The following ROPN1L variants were observed in gnomAD, a reference collection of about 807,000 sequenced individuals.
ROPN1L encodes ropporin-1-like protein.
Under a neutral mutation model 22.7 loss-of-function variants are expected in ROPN1L, and 23 were observed. The observed-to-expected ratio is 1.01, with a 90% CI of 0.73 to 1.43. The LOEUF (loss-of-function observed/expected upper bound fraction) is 1.43, where lower values mean the gene tolerates loss of function less well. ROPN1L is among the 40% of genes most tolerant of loss of function. The probability of loss-of-function intolerance (pLI) is 0.00; values close to 1 mark genes in which losing one functional copy is unlikely to be tolerated. For synonymous variants in ROPN1L, 116 were observed against 117.8 expected, an observed-to-expected ratio of 0.98 and a Z score of 0.10; for missense variants, 271 against 291.5, an observed-to-expected ratio of 0.93 and a Z score of 0.51.
At chr5:10,448,486 T>C in intron 2 of ROPN1L, 103 bp downstream of exon 2, 1 of 1,353,852 alleles carries the variant, frequency 7.4e-7, no homozygotes, top group South Asian at 1.4e-5. Context: ...GCAATGTATT[T>C]CAAACCTCCT....
At chr5:10,466,903 G>A (rs1019042914), downstream of ROPN1L, among the ~76,000 whole-genome samples, 3 of 152,162 alleles carry the variant, frequency 2.0e-5, no homozygotes, top group Non-Finnish European at 4.4e-5. Context: ...GCCTCTCTCC[G>A]TGGCTTGTGG....
chr5:10,442,426 T>A, intron 1 of ROPN1L, 128 bp downstream of exon 1: 1 of 1,183,490 alleles, frequency 8.4e-7, no homozygotes, highest in Non-Finnish European at 1.2e-6. Context: ...GGCAAAACTT[T>A]CCCCTTAGCA....
At chr5:10,473,229 G>T (rs1009555139), downstream of ROPN1L, among the ~76,000 whole-genome samples, 1 of 152,148 alleles carries the variant, frequency 6.6e-6, no homozygotes, top group Admixed American at 6.5e-5. Context: ...TACAAATGTG[G>T]CCTTGTTTGG....
At chr5:10,454,692 G>A (rs1441983473) in intron 3 of ROPN1L, among the ~76,000 whole-genome samples, 1 of 152,214 alleles carries the variant, frequency 6.6e-6, no homozygotes. Flanking sequence ...AACCACAGAT[G>A]CACACGTGTC....
chr5:10,442,392 C>A, intron 1 of ROPN1L, 94 bp downstream of exon 1: 1 of 1,499,694 alleles, frequency 6.7e-7, no homozygotes, highest in Non-Finnish European at 9.0e-7. Flanking sequence ...CCTTACGCGG[C>A]ACTCAGCGTC....
At chr5:10,456,547 G>A (rs182358133) in intron 3 of ROPN1L, among the ~76,000 whole-genome samples, 9 of 152,194 alleles carry the variant, frequency 5.9e-5, no homozygotes, top group East Asian at 3.9e-4. Flanking sequence ...AGCACATATC[G>A]CACATGGGAG....
chr5:10,461,996 C>G (rs1306823018), intron 4 of ROPN1L, among the ~76,000 whole-genome samples: 1 of 152,160 alleles, frequency 6.6e-6, no homozygotes, highest in East Asian at 1.9e-4. Flanking sequence ...GGGAAACTTT[C>G]TAAGCCCTGT....
chr5:10,454,532 AG>A (rs1741355804), intron 3 of ROPN1L, among the ~76,000 whole-genome samples: 1 of 151,620 alleles, frequency 6.6e-6, no homozygotes, highest in Non-Finnish European at 1.5e-5. Context: ...TTTTTTTTTA[AG>A]ATAAGAAAAT....
At chr5:10,451,117 A>G (rs1741239109) in intron 3 of ROPN1L, among the ~76,000 whole-genome samples, 1 of 152,252 alleles carries the variant, frequency 6.6e-6, no homozygotes, top group Non-Finnish European at 1.5e-5. Flanking sequence ...TTTACTACAT[A>G]GATGAACAAT....
chr5:10,443,623 C>T (rs1313630241), intron 1 of ROPN1L, among the ~76,000 whole-genome samples: 1 of 148,372 alleles, frequency 6.7e-6, no homozygotes, highest in Non-Finnish European at 1.5e-5. Context: ...AGCGAGACTC[C>T]GTCTCAAAAA....
intron 3 of ROPN1L, among the ~76,000 whole-genome samples, chr5:10,455,303 C>T (rs764300766): frequency 5.9e-5 from 9 of 152,218 alleles, no homozygotes; most frequent in Non-Finnish European, 8.8e-5. Context: ...AAAGCCCATT[C>T]GGAAGTGACC....
rs1053256388 is a variant in ROPN1L, at chr5:10,442,007, A to G, written c.-161A>G. On this transcript the variant is annotated 5_prime_UTR_variant, in exon 1 of 5. Transcript: ENST00000274134. ...CCCGAAGCCCGCGGAGGAGCGGGTAAGAGCCCCGCGAATCCGGCCCCAACC... is the reference window on the plus strand; with the variant it reads ...CCCGAAGCCCGCGGAGGAGCGGGTAGGAGCCCCGCGAATCCGGCCCCAACC... 5 of 934,286 alleles carry G rather than the reference A, an allele frequency of 5.4e-6. No individual in the cohort carries two copies. In the African/African-American group the frequency reaches 8.3e-5, roughly 16 times the overall value. 57.9% of individuals were successfully genotyped at this position (934,286 alleles called of 1,614,324 possible). A position where few individuals can be genotyped will look rare whatever the true frequency, so the allele number is the denominator to read the frequency against.
At chr5:10,448,131 G>A (rs1741132057) in intron 1 of ROPN1L, 129 bp from the exon 2 acceptor site, 1 of 1,028,040 alleles carries the variant, frequency 9.7e-7, no homozygotes, top group Admixed American at 2.0e-5. Context: ...CAGGACATAA[G>A]CCCGGGATGT....
chr5:10,457,249 G>A (rs1230250143), intron 3 of ROPN1L, among the ~76,000 whole-genome samples: 3 of 152,210 alleles, frequency 2.0e-5, no homozygotes, highest in Non-Finnish European at 4.4e-5. Context: ...ATCAGGTGCA[G>A]CCGCCACCAG....
intron 4 of ROPN1L, 144 bp from the exon 5 acceptor site, chr5:10,464,704 A>G: frequency 1.9e-6 from 1 of 530,376 alleles, no homozygotes; most frequent in Non-Finnish European, 3.4e-6. Flanking sequence ...AGAATGCTTT[A>G]TTTTTGGAAG....
chr5:10,464,175 C>G (rs374150467), intron 4 of ROPN1L, among the ~76,000 whole-genome samples: 7 of 152,206 alleles, frequency 4.6e-5, no homozygotes, highest in Non-Finnish European at 8.8e-5. Flanking sequence ...TGGGCTGAGC[C>G]TCTGGACTCC....
At chr5:10,448,007 C>T (rs1269203335) in intron 1 of ROPN1L, among the ~76,000 whole-genome samples, 1 of 152,190 alleles carries the variant, frequency 6.6e-6, no homozygotes, top group Non-Finnish European at 1.5e-5. Context: ...CTGCGCCAAG[C>T]CCTTCTCACA....
intron 1 of ROPN1L, among the ~76,000 whole-genome samples, chr5:10,444,730 C>G (rs1241231719): frequency 1.3e-5 from 2 of 150,698 alleles, no homozygotes; most frequent in Non-Finnish European, 3.0e-5. Flanking sequence ...GAAACCCCAT[C>G]TCTACTAAAA....
chr5:10,469,836 G>A (rs534536080), downstream of ROPN1L, among the ~76,000 whole-genome samples: 12 of 152,360 alleles, frequency 7.9e-5, no homozygotes, highest in African/African-American at 2.2e-4. Flanking sequence ...CCAGAAATAC[G>A]TGCTTACCCA....
Sources: gnomAD v4.1 joint callset for allele counts (sites outside exome capture counted in the v4.1 genomes callset) on GRCh38, gnomAD v4.1.1 for gene constraint, MANE v1.5 for transcripts, NCBI Gene and HGNC (gene_info 2026-07-23, HGNC 2026-07-21) for gene names.